The following ROBO1 variants were observed in gnomAD, a reference collection of about 807,000 sequenced individuals.
ROBO1 encodes the protein roundabout guidance receptor 1.
ROBO1 carries 149 observed loss-of-function variants against 195.9 expected under a neutral mutation model. That is an observed-to-expected ratio of 0.76 (90% confidence interval 0.67 to 0.87). ROBO1 has a LOEUF of 0.87. ROBO1 is among the 40% of genes least tolerant of loss of function. ROBO1 has a pLI of 0.00. For missense variants in ROBO1, 1,933 were observed against 2,068.3 expected, an observed-to-expected ratio of 0.93 and a Z score of 1.27; for synonymous variants, 816 against 733.2, an observed-to-expected ratio of 1.11 and a Z score of -1.82.
chr3:79,708,357 T>C (rs1238315217), intron 1 of ROBO1, among the ~76,000 whole-genome samples: 1 of 152,214 alleles, frequency 6.6e-6, no homozygotes, highest in African/African-American at 2.4e-5. Flanking sequence ...CAGCATAAAA[T>C]GTTTCAACAT....
chr3:79,051,590 C>A (rs192750883), intron 3 of ROBO1, among the ~76,000 whole-genome samples: 42 of 152,170 alleles, frequency 2.8e-4, no homozygotes, highest in Admixed American at 2.5e-3. Context: ...CAAAGCCTGG[C>A]AGAGACACAA....
In ROBO1 at chr3:79,353,400, A is replaced by AAC. The variant is rs10608740; in HGVS notation, c.89-227863_89-227862dup. On this transcript the variant is annotated intron_variant, in intron 2 of 30. Transcript: ENST00000464233. ...AAGAATATAGAAACACACAGAAACA[A>AAC]ACACACACACACACACACACACACA... Among the ~76,000 whole-genome samples, 1,374 of 148,200 alleles carry AAC rather than the reference A, an allele frequency of 9.3e-3. 17 individuals carry two copies. The highest frequency in any genetic ancestry group is 0.021 in the African/African-American group (854 of 40,276).
chr3:79,728,329 C>T (rs1043130465), intron 1 of ROBO1, among the ~76,000 whole-genome samples: 15 of 152,100 alleles, frequency 9.9e-5, no homozygotes, highest in Non-Finnish European at 2.1e-4. Flanking sequence ...AGAATTTCAG[C>T]AGCAAATACA....
At chr3:79,585,216 T>G (rs1430490404) in intron 2 of ROBO1, among the ~76,000 whole-genome samples, 2 of 151,940 alleles carry the variant, frequency 1.3e-5, no homozygotes, top group African/African-American at 2.4e-5. Context: ...TTATAGAATA[T>G]TTGCATAATT....
At chr3:78,855,640 A>G (rs2034367636) in intron 4 of ROBO1, among the ~76,000 whole-genome samples, 1 of 152,154 alleles carries the variant, frequency 6.6e-6, no homozygotes, top group African/African-American at 2.4e-5. Flanking sequence ...GTGTCTTTAA[A>G]CTTTTCTGCT....
chr3:78,615,234 A>G (rs1248515993), intron 27 of ROBO1, among the ~76,000 whole-genome samples: 1 of 152,202 alleles, frequency 6.6e-6, no homozygotes, highest in African/African-American at 2.4e-5. Flanking sequence ...AAAAATGAAC[A>G]GTACTAATGG....
chr3:78,901,778 T>C (rs75245328), intron 4 of ROBO1, among the ~76,000 whole-genome samples: 378 of 152,250 alleles, frequency 2.5e-3, no homozygotes, highest in African/African-American at 8.0e-3. Flanking sequence ...CATAGGTAGA[T>C]TAGACCCCAT....
intron 17 of ROBO1, among the ~76,000 whole-genome samples, chr3:78,658,003 C>T (rs1363333146): frequency 1.3e-5 from 2 of 152,162 alleles, no homozygotes; most frequent in African/African-American, 4.8e-5. Flanking sequence ...CAGTCCTTCA[C>T]AGCATACATG....
Position 79,631,294 on chromosome 3 carries a change from A to G in ROBO1, c.-50-41333T>C, listed in dbSNP as rs182125249. 1.2e-3 allele frequency among the ~76,000 whole-genome samples: 189 copies of G among 152,162 alleles called. 1 individual carries two copies. Among genetic ancestry groups the G allele is most frequent in the Non-Finnish European group, 2.4e-3 (162 of 67,952 alleles). On this transcript the variant is annotated intron_variant, in intron 1 of 30. Transcript: ENST00000464233. ...TACAAGTACAATTATGGACACATAG[A>G]TCAATGGAACAGAATAGAGAACCCA...
intron 4 of ROBO1, among the ~76,000 whole-genome samples, chr3:78,786,791 C>T (rs947440602): frequency 2.0e-5 from 3 of 152,134 alleles, no homozygotes; most frequent in African/African-American, 7.2e-5. Flanking sequence ...TTGTTGAGTC[C>T]ATTAAGCCTC....
At chr3:79,387,603 C>A (rs2036798837) in intron 2 of ROBO1, among the ~76,000 whole-genome samples, 1 of 151,774 alleles carries the variant, frequency 6.6e-6, no homozygotes, top group Non-Finnish European at 1.5e-5. Context: ...TTCCCGGTTA[C>A]TTTTGTATAT....
In ROBO1 at chr3:78,996,319, TAAAAAAACAAAAA is replaced by T. The variant is rs1360196064; in HGVS notation, c.173-57405_173-57393del. ...CCAACACACTGAAACCCATCTCTAT[TAAAAAAACAAAAA>T]AAAAAAACAAAAAAAAAAAACTCCC... On this transcript the variant is annotated intron_variant, in intron 3 of 30. Coordinates refer to ENST00000464233, the MANE Select transcript of ROBO1 (RefSeq NM_002941.4). 3.9e-3 allele frequency among the ~76,000 whole-genome samples: 353 copies of T among 89,954 alleles called. 2 individuals are homozygous for T. The highest frequency in any genetic ancestry group is 0.015 in the African/African-American group (337 of 22,776). 59.0% of individuals were successfully genotyped at this position (89,954 alleles called of 152,430 possible). A position where few individuals can be genotyped will look rare whatever the true frequency, so the allele number is the denominator to read the frequency against.
chr3:79,187,748 C>T lies in ROBO1; in HGVS notation c.89-62209G>A, dbSNP rs75585756. Among the ~76,000 whole-genome samples, 654 of 152,058 alleles carry T rather than the reference C, an allele frequency of 4.3e-3. 3 individuals carry two copies. Among genetic ancestry groups the T allele is most frequent in the African/African-American group, 0.013 (557 of 41,510 alleles). On this transcript the variant is annotated intron_variant, in intron 2 of 30. Transcript: ENST00000464233. The stretch of plus-strand genomic sequence containing the variant: ...GTTTCAGGCACAGCTATAGTCAATT[C>T]TATACAATTAATTAAAATTTCTTCC...
At chr3:79,236,317 T>C (rs2082406251) in intron 2 of ROBO1, among the ~76,000 whole-genome samples, 2 of 152,164 alleles carry the variant, frequency 1.3e-5, no homozygotes, top group Admixed American at 1.3e-4. Context: ...TTCAATGTCA[T>C]GGCAATTCAG....
rs193218670 is a variant in ROBO1 at position 79,137,051 on chromosome 3, C to T, written c.89-11512G>A. Among the ~76,000 whole-genome samples, 467 of 152,070 alleles carry T rather than the reference C, an allele frequency of 3.1e-3. 3 individuals are homozygous for T. Among genetic ancestry groups the T allele is most frequent in the Non-Finnish European group, 2.8e-3 (187 of 67,932 alleles). On this transcript the variant is annotated intron_variant, in intron 2 of 30. Transcript: ENST00000464233. Reference sequence around the variant, plus strand: ...GAAAACAATGTGTTACAATCATCTCCAATGTTGCTGCTATAAGAAAAATCA... The same window carrying T: ...GAAAACAATGTGTTACAATCATCTCTAATGTTGCTGCTATAAGAAAAATCA...
At chr3:79,673,708 G>A (rs1018367983) in intron 1 of ROBO1, among the ~76,000 whole-genome samples, 1 of 151,886 alleles carries the variant, frequency 6.6e-6, no homozygotes, top group Non-Finnish European at 1.5e-5. Flanking sequence ...AGGTATTTTT[G>A]GCTTTTTAAT....
chr3:79,356,409 C>T lies in ROBO1; in HGVS notation c.89-230870G>A, dbSNP rs373760258. On this transcript the variant is annotated intron_variant, in intron 2 of 30. Transcript: ENST00000464233. ...ATACACTATTATTTCAGAATAAATG[C>T]TAATCAAATCAATCTTTTGACCTCA... 7.2e-5 allele frequency among the ~76,000 whole-genome samples: 11 copies of T among 152,232 alleles called. No homozygotes were observed. The East Asian group carries it at 1.5e-3, about 21-fold the overall frequency.
chr3:79,405,744 G>A (rs1001370457), intron 2 of ROBO1, among the ~76,000 whole-genome samples: 1 of 152,124 alleles, frequency 6.6e-6, no homozygotes, highest in Non-Finnish European at 1.5e-5. Flanking sequence ...CTTAGTGGAT[G>A]TAATGTTTCT....
At position 79,008,972 on chromosome 3, in the gene ROBO1, C is replaced by T. The variant is rs1004485921; in HGVS notation, c.173-70045G>A. Among the ~76,000 whole-genome samples, 41 of 150,374 alleles carry T rather than the reference C, an allele frequency of 2.7e-4. 1 individual carries two copies. Among genetic ancestry groups the T allele is most frequent in the African/African-American group, 9.8e-4 (40 of 40,786 alleles). On this transcript the variant is annotated intron_variant, in intron 3 of 30. Coordinates refer to ENST00000464233, the MANE Select transcript of ROBO1 (RefSeq NM_002941.4). Reference sequence around the variant, plus strand: ...TTGTTTTGTTTTGAGATGAGTCTCGCTGTTGTCACCTGAGCTGGAGTGCAA... The same window carrying T: ...TTGTTTTGTTTTGAGATGAGTCTCGTTGTTGTCACCTGAGCTGGAGTGCAA...
Sources: gnomAD v4.1 joint callset for allele counts (sites outside exome capture counted in the v4.1 genomes callset) on GRCh38, gnomAD v4.1.1 for gene constraint, MANE v1.5 for transcripts, NCBI Gene and HGNC (gene_info 2026-07-23, HGNC 2026-07-21) for gene names.